The following GRIN3A variants were observed in gnomAD, a reference collection of about 807,000 sequenced individuals.
GRIN3A encodes the protein glutamate receptor ionotropic, NMDA 3A.
GRIN3A carries 47 observed loss-of-function variants against 92.4 expected under a neutral mutation model. The observed-to-expected ratio is 0.51, with a 90% confidence interval of 0.40 to 0.65. The LOEUF (loss-of-function observed/expected upper bound fraction) is 0.65. Ranked by LOEUF, GRIN3A falls within the 30% of genes least tolerant of loss-of-function variation. The probability of loss-of-function intolerance (pLI) is 0.00; values close to 1 mark genes in which losing one functional copy is unlikely to be tolerated. For synonymous variants in GRIN3A, 527 were observed against 540.6 expected (o/e 0.97, Z 0.35); for missense variants, 1,324 against 1,393.1 (o/e 0.95, Z 0.79).
chr9:101,734,635 G>C (rs1830179267), intron 1 of GRIN3A, among the ~76,000 whole-genome samples: 1 of 151,846 alleles, frequency 6.6e-6, no homozygotes, highest in Non-Finnish European at 1.5e-5. Flanking sequence ...CTCAGTGGCA[G>C]CTCTTTCCAT....
chr9:101,732,155 T>C (rs1830146747), intron 1 of GRIN3A, among the ~76,000 whole-genome samples: 1 of 152,190 alleles, frequency 6.6e-6, no homozygotes, highest in Admixed American at 6.5e-5. Context: ...GGACTCAAAG[T>C]AGCTGGTTTG....
At chr9:101,635,089 G>T (rs1354867051) in intron 3 of GRIN3A, among the ~76,000 whole-genome samples, 1 of 152,060 alleles carries the variant, frequency 6.6e-6, no homozygotes, top group Non-Finnish European at 1.5e-5. Context: ...TTAAATTTAA[G>T]CAGTTTGCTG....
intron 6 of GRIN3A, chr9:101,594,744 C>A: frequency 6.2e-7 from 1 of 1,614,142 alleles, no homozygotes; most frequent in Non-Finnish European, 8.5e-7. Flanking sequence ...TCGAAGACGT[C>A]GATCACTCGC....
chr9:101,696,653 T>G (rs372628489), intron 1 of GRIN3A, among the ~76,000 whole-genome samples: 2 of 152,300 alleles, frequency 1.3e-5, no homozygotes, highest in East Asian at 3.9e-4. Flanking sequence ...AACTTGGACA[T>G]ATTTTCTTAT....
At chr9:101,614,979 A>C (rs1199534000) in intron 5 of GRIN3A, among the ~76,000 whole-genome samples, 7 of 152,024 alleles carry the variant, frequency 4.6e-5, no homozygotes, top group Non-Finnish European at 1.5e-5. Flanking sequence ...GGTGGTGGTA[A>C]TGCAGGGCAA....
chr9:101,649,622 A>G (rs528632109), intron 3 of GRIN3A, among the ~76,000 whole-genome samples: 1 of 152,026 alleles, frequency 6.6e-6, no homozygotes, highest in East Asian at 1.9e-4. Context: ...TATTTCTCTT[A>G]TTGGTTGCAG....
intron 6 of GRIN3A, among the ~76,000 whole-genome samples, chr9:101,579,579 G>A (rs997612500): frequency 6.7e-6 from 1 of 149,990 alleles, no homozygotes; most frequent in African/African-American, 2.4e-5. Flanking sequence ...AATGCCTAGA[G>A]GGTGAGAAAT....
intron 7 of GRIN3A, 150 bp downstream of exon 7, chr9:101,579,046 G>T: frequency 1.3e-6 from 1 of 770,442 alleles, no homozygotes. Flanking sequence ...ATGGGATAGA[G>T]AGAATTCCTT....
At chr9:101,583,825 G>T (rs757953933) in intron 6 of GRIN3A, among the ~76,000 whole-genome samples, 2 of 152,226 alleles carry the variant, frequency 1.3e-5, no homozygotes, top group Middle Eastern at 3.4e-3. Context: ...AGACTCAAGG[G>T]CCAGGGAGAG....
chr9:101,577,751 C>T lies in GRIN3A; in HGVS notation c.3008+17G>A. On this transcript the variant is annotated intron_variant, in intron 8 of 8. Transcript: ENST00000361820. ...ATTTTACAAATATAAAGACAGTTGC[C>T]ATTGGCCCCTTCTTACCTCTTTTCC... 4 of 1,564,850 alleles carry T rather than the reference C, an allele frequency of 2.6e-6. No homozygotes were observed. The highest frequency in any genetic ancestry group is 3.5e-6 in the Non-Finnish European group (4 of 1,135,782).
chr9:101,722,722 A>T (rs538683067), intron 1 of GRIN3A, among the ~76,000 whole-genome samples: 10 of 152,184 alleles, frequency 6.6e-5, no homozygotes, highest in African/African-American at 2.4e-4. Context: ...AGGCCCTGTA[A>T]CCCCTTTGTT....
At chr9:101,729,366 A>G (rs538546571) in intron 1 of GRIN3A, among the ~76,000 whole-genome samples, 2 of 152,248 alleles carry the variant, frequency 1.3e-5, no homozygotes, top group South Asian at 4.1e-4. Flanking sequence ...CAAGGGTGGC[A>G]TTCTTTCTGG....
At chr9:101,709,756 G>A (rs1829856784) in intron 1 of GRIN3A, among the ~76,000 whole-genome samples, 1 of 152,174 alleles carries the variant, frequency 6.6e-6, no homozygotes, top group Non-Finnish European at 1.5e-5. Context: ...ATCAAGGTGA[G>A]TGATTATTTT....
At chr9:101,634,332 C>CAAAAAAAA (rs10664535) in intron 3 of GRIN3A, among the ~76,000 whole-genome samples, 5 of 68,734 alleles carry the variant, frequency 7.3e-5, no homozygotes, top group Non-Finnish European at 1.1e-4. Flanking sequence ...GACTCCGTCT[C>CAAAAAAAA]AAAAAAAAAA....
At chr9:101,691,883 C>T (rs1168857722) in intron 1 of GRIN3A, among the ~76,000 whole-genome samples, 1 of 152,156 alleles carries the variant, frequency 6.6e-6, no homozygotes, top group Non-Finnish European at 1.5e-5. Context: ...TTTTGTAAGT[C>T]ATTTAGTATC....
In GRIN3A at chr9:101,625,824, C is replaced by T. The variant is rs767680068; in HGVS notation, c.2499-2391G>A. The stretch of plus-strand genomic sequence containing the variant: ...GTACCATAATGTACCTTGACAGCTA[C>T]GTAGCAACAAGTTATCACTTGCCAA... On this transcript the variant is annotated intron_variant, in intron 4 of 8. Coordinates refer to ENST00000361820, the MANE Select transcript of GRIN3A (RefSeq NM_133445.3). Among the ~76,000 whole-genome samples, 19 of 152,314 alleles carry T rather than the reference C, an allele frequency of 1.2e-4. 1 individual carries two copies. The highest frequency in any genetic ancestry group is 4.1e-4 in the South Asian group (2 of 4,822).
intron 6 of GRIN3A, among the ~76,000 whole-genome samples, 154 bp downstream of exon 6, chr9:101,613,222 C>T (rs773587535): frequency 9.9e-5 from 15 of 152,188 alleles, no homozygotes; most frequent in South Asian, 8.3e-4. Flanking sequence ...TAGGAATGGA[C>T]GCTTTTTGGA....
intron 1 of GRIN3A, among the ~76,000 whole-genome samples, chr9:101,698,684 T>G (rs1290970185): frequency 2.0e-5 from 3 of 152,190 alleles, no homozygotes; most frequent in African/African-American, 7.2e-5. Flanking sequence ...TTATGTATTT[T>G]TGAGACAGAG....
rs370823084 is a variant in GRIN3A, at chr9:101,736,083, G to A, written c.699+1198C>T. ...CCTTACTCATTTTAGTTTTTATCTC[G>A]GCACATATATCAGAAGTGGAAGAAG... On this transcript the variant is annotated intron_variant, in intron 1 of 8. Transcript: ENST00000361820. Among the ~76,000 whole-genome samples the A allele has an allele frequency of 5.9e-5, 9 of 151,996 alleles. No individual in the cohort carries two copies. In the South Asian group the frequency reaches 1.0e-3, roughly 18 times the overall value.
Sources: allele counts gnomAD v4.1 joint callset (sites outside exome capture counted in the v4.1 genomes callset), GRCh38; gene constraint gnomAD v4.1.1; transcripts MANE v1.5; gene names NCBI Gene and HGNC (gene_info 2026-07-23, HGNC 2026-07-21).